The following RAPH1 variants were observed in gnomAD, a reference collection of about 807,000 sequenced individuals.
RAPH1 encodes the protein ras-associated and pleckstrin homology domains-containing protein 1.
In RAPH1, 18 loss-of-function variants were observed where a neutral mutation model predicts 88.1. The observed-to-expected ratio is 0.20, with a 90% CI of 0.14 to 0.30. The LOEUF (loss-of-function observed/expected upper bound fraction) is 0.30, where lower values mean the gene tolerates loss of function less well. RAPH1 is among the 10% of genes least tolerant of loss of function. The probability of loss-of-function intolerance (pLI) is 1.00; values close to 1 mark genes in which losing one functional copy is unlikely to be tolerated. For missense variants in RAPH1, 1,448 were observed against 1,543.2 expected (o/e 0.94, Z 1.03); for synonymous variants, 587 against 559.0 (o/e 1.05, Z -0.71).
chr2:203,504,733 T>C (rs1688902535), intron 1 of RAPH1, among the ~76,000 whole-genome samples: 1 of 152,236 alleles, frequency 6.6e-6, no homozygotes, highest in African/African-American at 2.4e-5. Context: ...CCTGAACTTT[T>C]ATGCTGTTTC....
At chr2:203,512,200 A>G (rs920407142) in intron 1 of RAPH1, among the ~76,000 whole-genome samples, 1 of 151,886 alleles carries the variant, frequency 6.6e-6, no homozygotes, top group Non-Finnish European at 1.5e-5. Context: ...AGGCCCAGGC[A>G]GGCGGACCAC....
At chr2:203,474,731 TATTAA>T (rs1423912749) in intron 4 of RAPH1, among the ~76,000 whole-genome samples, 1 of 152,222 alleles carries the variant, frequency 6.6e-6, no homozygotes, top group East Asian at 1.9e-4. Flanking sequence ...AGCAAAATAA[TATTAA>T]ATTAGTGAAA....
chr2:203,454,824 C>T (rs986659647), intron 9 of RAPH1, among the ~76,000 whole-genome samples: 11 of 152,056 alleles, frequency 7.2e-5, no homozygotes, highest in African/African-American at 2.7e-4. Flanking sequence ...TAGTCTAGTA[C>T]ATTAAAAACA....
intron 4 of RAPH1, among the ~76,000 whole-genome samples, chr2:203,479,582 T>G (rs1326230373): frequency 2.1e-5 from 3 of 145,918 alleles, no homozygotes; most frequent in Non-Finnish European, 4.5e-5. Context: ...TATTCCAGCC[T>G]GAGCAACAGA....
chr2:203,468,786 A>T (rs1305061897), intron 4 of RAPH1, among the ~76,000 whole-genome samples: 2 of 152,140 alleles, frequency 1.3e-5, no homozygotes, highest in Admixed American at 6.5e-5. Flanking sequence ...TGGAAGGGGG[A>T]CGGGCAATAA....
intron 4 of RAPH1, among the ~76,000 whole-genome samples, chr2:203,473,915 G>A (rs1459129794): frequency 6.6e-6 from 1 of 151,926 alleles, no homozygotes; most frequent in East Asian, 1.9e-4. Flanking sequence ...TTTGAGTGTG[G>A]AACCATGCCA....
At position 203,454,573 on chromosome 2, in the gene RAPH1, T is replaced by A. The variant is rs756025878; in HGVS notation, c.1303-33A>T. The stretch of plus-strand genomic sequence containing the variant: ...AAAAACACCAAAAAGATAAAATTAA[T>A]AATAATGCACAAACAAGCAAATATA... On this transcript the variant is annotated intron_variant, in intron 9 of 13. Transcript: ENST00000319170. 5 of 1,492,282 alleles carry A rather than the reference T, an allele frequency of 3.4e-6. No individual in the cohort carries two copies. In the Admixed American group the frequency reaches 8.9e-5, roughly 27 times the overall value. The allele number at this position is 1,492,282 out of a possible 1,614,324, so 92.4% of individuals were successfully genotyped here.
At chr2:203,470,385 A>AC in intron 4 of RAPH1, 1 of 925,970 alleles carries the variant, frequency 1.1e-6, no homozygotes, top group Non-Finnish European at 1.7e-6. Flanking sequence ...ATGTGTTTAA[A>AC]ACATAAAGTA....
intron 4 of RAPH1, among the ~76,000 whole-genome samples, chr2:203,479,455 A>T (rs1473288900): frequency 1.3e-5 from 2 of 152,010 alleles, no homozygotes; most frequent in African/African-American, 4.8e-5. Flanking sequence ...AATACAAAAA[A>T]TAGCCAGGGG....
At chr2:203,456,511 C>A (rs2098519703) in intron 8 of RAPH1, among the ~76,000 whole-genome samples, 1 of 152,058 alleles carries the variant, frequency 6.6e-6, no homozygotes, top group Non-Finnish European at 1.5e-5. Flanking sequence ...AAACACTATG[C>A]TTTGATAAAA....
At chr2:203,501,802 A>G (rs987920363) in intron 1 of RAPH1, among the ~76,000 whole-genome samples, 2 of 147,650 alleles carry the variant, frequency 1.4e-5, no homozygotes, top group Non-Finnish European at 3.0e-5. Context: ...CAAAGCATCA[A>G]GCTAAGCATT....
intron 1 of RAPH1, among the ~76,000 whole-genome samples, chr2:203,532,007 G>C (rs1223905277): frequency 6.6e-6 from 1 of 152,116 alleles, no homozygotes; most frequent in African/African-American, 2.4e-5. Flanking sequence ...ATCCATAAAT[G>C]TGGTATATAC....
chr2:203,518,812 T>G (rs1041568499), intron 1 of RAPH1, among the ~76,000 whole-genome samples: 2 of 152,136 alleles, frequency 1.3e-5, no homozygotes, highest in Non-Finnish European at 2.9e-5. Context: ...ACCACTGCAC[T>G]CTAGCATGGG....
intron 13 of RAPH1, chr2:203,441,851 A>G (rs1475959051): frequency 9.0e-6 from 12 of 1,339,354 alleles, no homozygotes; most frequent in Non-Finnish European, 5.7e-6. Context: ...ATCCACATCA[A>G]GCAGATGCTA....
chr2:203,474,520 C>T (rs2098535713), intron 4 of RAPH1, among the ~76,000 whole-genome samples: 2 of 152,118 alleles, frequency 1.3e-5, no homozygotes, highest in African/African-American at 2.4e-5. Context: ...GATGCTATTA[C>T]CCTCTAAAAT....
chr2:203,441,430 AAG>A lies in RAPH1; in HGVS notation c.1777-19_1777-18del, dbSNP rs1288858994. ...CATTCTGGCCTAAAAGGAGTATAAA[AAG>A]GGAGTGGGAGAGAGAAAAACACAAC... On this transcript the variant is annotated intron_variant, in intron 13 of 13. Coordinates refer to ENST00000319170, the MANE Select transcript of RAPH1 (RefSeq NM_213589.3). 2 of 1,518,198 alleles carry A rather than the reference AAG, an allele frequency of 1.3e-6. No individual in the cohort carries two copies. Among genetic ancestry groups the A allele is most frequent in the Non-Finnish European group, 1.8e-6 (2 of 1,137,298 alleles). The allele number at this position is 1,518,198 out of a possible 1,614,324, so 94.0% of individuals were successfully genotyped here. A position where few individuals can be genotyped will look rare whatever the true frequency, so the allele number is the denominator to read the frequency against.
chr2:203,475,586 T>TA (rs1288254100), intron 4 of RAPH1, among the ~76,000 whole-genome samples: 1 of 152,188 alleles, frequency 6.6e-6, no homozygotes, highest in African/African-American at 2.4e-5. Flanking sequence ...CCATTTTCTC[T>TA]ACTTGCCTAT....
At position 203,485,750 on chromosome 2, in the gene RAPH1, C is replaced by T. The variant is rs559274192; in HGVS notation, c.732+3834G>A. Reference sequence around the variant, plus strand: ...TACAAGCAACATGTAACAATGTCTACGGACGTTTTTAGTTGTCACAACTGA... The same window carrying T: ...TACAAGCAACATGTAACAATGTCTATGGACGTTTTTAGTTGTCACAACTGA... On this transcript the variant is annotated intron_variant, in intron 4 of 13. Transcript: ENST00000319170. Among the ~76,000 whole-genome samples, 24 of 152,040 alleles carry T rather than the reference C, an allele frequency of 1.6e-4. No individual in the cohort carries two copies. In the South Asian group the frequency reaches 4.8e-3, roughly 30 times the overall value.
intron 7 of RAPH1, among the ~76,000 whole-genome samples, chr2:203,458,643 A>ATATTCAAGT (rs2098521792): frequency 2.0e-5 from 3 of 152,234 alleles, no homozygotes; most frequent in Admixed American, 2.0e-4. Flanking sequence ...CAAGCGTGGC[A>ATATTCAAGT]TATTCAAGTT....
Sources: allele counts gnomAD v4.1 joint callset (sites outside exome capture counted in the v4.1 genomes callset), GRCh38; gene constraint gnomAD v4.1.1; transcripts MANE v1.5; gene names NCBI Gene and HGNC (gene_info 2026-07-23, HGNC 2026-07-21).